PTPRD: variants seen among roughly 807,000 people sequenced by gnomAD.
The protein encoded by PTPRD is protein tyrosine phosphatase receptor type D, also known as receptor-type tyrosine-protein phosphatase delta.
In PTPRD, 34 loss-of-function variants were observed where a neutral mutation model predicts 214.5. The observed-to-expected ratio is 0.16, with a 90% CI of 0.12 to 0.21. The LOEUF (loss-of-function observed/expected upper bound fraction) is 0.21. PTPRD is among the 10% of genes least tolerant of loss of function. PTPRD has a pLI of 1.00. For synonymous variants in PTPRD, 1,128 were observed against 845.7 expected (o/e 1.33, Z -5.79); for missense variants, 2,545 against 2,398.7 (o/e 1.06, Z -1.27).
intron 11 of PTPRD, among the ~76,000 whole-genome samples, chr9:8,798,679 T>C (rs1413958560): frequency 2.6e-5 from 4 of 152,224 alleles, no homozygotes; most frequent in South Asian, 2.1e-4. Context: ...TGGTGGGAGT[T>C]GCAATTCTGC....
chr9:8,640,893 T>C (rs1267527568), intron 12 of PTPRD, among the ~76,000 whole-genome samples: 1 of 133,292 alleles, frequency 7.5e-6, no homozygotes, highest in Non-Finnish European at 1.5e-5. Flanking sequence ...GTGGTGCATA[T>C]ATAATCATTT....
chr9:10,286,739 C>G (rs1220102797), intron 3 of PTPRD, among the ~76,000 whole-genome samples: 1 of 152,034 alleles, frequency 6.6e-6, no homozygotes, highest in African/African-American at 2.4e-5. Context: ...GCTGGTATTA[C>G]AGGCGCCCAA....
At chr9:8,814,098 TAA>T (rs956181420) in intron 11 of PTPRD, among the ~76,000 whole-genome samples, 5 of 152,208 alleles carry the variant, frequency 3.3e-5, no homozygotes, top group African/African-American at 4.8e-5. Flanking sequence ...TGATGCTCAA[TAA>T]AAGTTTATTG....
chr9:8,492,884 T>C lies in PTPRD; in HGVS notation c.2445A>G (p.Lys815=), dbSNP rs752781036. The change falls in exon 27 of 46, where the codon AAA becomes AAG. Residue 815 remains lysine (K), a synonymous_variant. Transcript: ENST00000381196. ...TKGDGARSKP[K]LVSTTGAVPG... ...TACCTGCCCCAGTGGTGGACACCAG[T>C]TTGGGCTTGCTGCGAGCACCATCTC... 1.2e-6 allele frequency: 2 copies of C among 1,613,588 alleles called. No individual in the cohort carries two copies. Among genetic ancestry groups the C allele is most frequent in the African/African-American group, 1.3e-5 (1 of 74,884 alleles).
At chr9:9,390,088 G>C (rs1266366796) in intron 9 of PTPRD, among the ~76,000 whole-genome samples, 1 of 152,178 alleles carries the variant, frequency 6.6e-6, no homozygotes, top group African/African-American at 2.4e-5. Context: ...ATGCTGTTAT[G>C]TGAGAAAGCA....
chr9:9,164,349 C>T (rs892324579), intron 10 of PTPRD, among the ~76,000 whole-genome samples: 1 of 152,130 alleles, frequency 6.6e-6, no homozygotes, highest in Non-Finnish European at 1.5e-5. Context: ...ACATTGCCTT[C>T]CCACATTGAT....
intron 33 of PTPRD, chr9:8,454,636 A>G (rs748672727): frequency 1.2e-6 from 2 of 1,607,212 alleles, no homozygotes; most frequent in Non-Finnish European, 1.7e-6. Context: ...GAAAGGCTAA[A>G]TGTTAGTTGG....
At chr9:9,596,314 T>C (rs1197485352) in intron 7 of PTPRD, among the ~76,000 whole-genome samples, 2 of 151,994 alleles carry the variant, frequency 1.3e-5, no homozygotes, top group African/African-American at 4.8e-5. Context: ...TCTTTATGTG[T>C]ATTAAACATG....
intron 8 of PTPRD, among the ~76,000 whole-genome samples, chr9:9,570,671 G>T (rs1430395262): frequency 6.6e-6 from 1 of 151,370 alleles, no homozygotes; most frequent in South Asian, 2.1e-4. Flanking sequence ...TGTTCTCCCT[G>T]CTTTCATTAT....
chr9:9,133,668 G>T (rs902257320), intron 10 of PTPRD, among the ~76,000 whole-genome samples: 4 of 152,166 alleles, frequency 2.6e-5, no homozygotes, highest in Admixed American at 2.6e-4. Context: ...GAATATGAAA[G>T]AAGCATTGTT....
chr9:8,850,580 T>A (rs943207825), intron 11 of PTPRD, among the ~76,000 whole-genome samples: 1 of 152,114 alleles, frequency 6.6e-6, no homozygotes, highest in Non-Finnish European at 1.5e-5. Context: ...AATGGTTACC[T>A]GGCCAGTAAG....
At position 9,753,891 on chromosome 9, in the gene PTPRD, C is replaced by T. The variant is rs944404596; in HGVS notation, c.-326+12919G>A. 2.0e-5 allele frequency among the ~76,000 whole-genome samples: 3 copies of T among 152,050 alleles called. No individual in the cohort carries two copies. The South Asian group carries it at 6.2e-4, about 31-fold the overall frequency. On this transcript the variant is annotated intron_variant, in intron 6 of 45. Coordinates refer to ENST00000381196, the MANE Select transcript of PTPRD (RefSeq NM_002839.4). ...TCCATGCAAATTCTTCCCTTAAGAA[C>T]CTAGCTCAAATTTCCTATTTTCTAA...
intron 4 of PTPRD, among the ~76,000 whole-genome samples, chr9:9,981,092 A>G (rs1335062387): frequency 6.6e-6 from 1 of 152,064 alleles, no homozygotes; most frequent in Non-Finnish European, 1.5e-5. Flanking sequence ...CACAAAGTCT[A>G]CATCACGTTA....
At chr9:9,301,765 C>G (rs1298648767) in intron 9 of PTPRD, among the ~76,000 whole-genome samples, 1 of 151,766 alleles carries the variant, frequency 6.6e-6, no homozygotes, top group African/African-American at 2.4e-5. Context: ...ATGGTCATTT[C>G]AAAGAAAGGA....
intron 10 of PTPRD, among the ~76,000 whole-genome samples, chr9:9,053,318 A>C (rs373672176): frequency 3.9e-5 from 6 of 152,282 alleles, no homozygotes; most frequent in South Asian, 4.1e-4. Flanking sequence ...AGAAATAATC[A>C]TTAAAAATTT....
intron 3 of PTPRD, among the ~76,000 whole-genome samples, chr9:10,306,283 G>C (rs936163658): frequency 2.0e-5 from 3 of 151,554 alleles, no homozygotes; most frequent in Admixed American, 1.3e-4. Context: ...GGGGTGGGGG[G>C]GGCTAGGGGA....
chr9:8,673,609 A>T (rs1408031069), intron 12 of PTPRD, among the ~76,000 whole-genome samples: 2 of 151,916 alleles, frequency 1.3e-5, no homozygotes, highest in Non-Finnish European at 2.9e-5. Context: ...ATTCTCCTTA[A>T]TGTATCTCAT....
At chr9:9,501,701 A>G (rs925654720) in intron 8 of PTPRD, among the ~76,000 whole-genome samples, 1 of 151,972 alleles carries the variant, frequency 6.6e-6, no homozygotes, top group African/African-American at 2.4e-5. Flanking sequence ...GATTGAATTT[A>G]TAAGGTGTAT....
At chr9:8,372,650 G>C (rs960141423) in intron 39 of PTPRD, among the ~76,000 whole-genome samples, 51 of 152,076 alleles carry the variant, frequency 3.4e-4, no homozygotes, top group African/African-American at 1.1e-3. Flanking sequence ...GTTTGAACTA[G>C]ACCTTCTTTC....
Sources: allele counts gnomAD v4.1 joint callset (sites outside exome capture counted in the v4.1 genomes callset), GRCh38; gene constraint gnomAD v4.1.1; transcripts MANE v1.5; gene names NCBI Gene and HGNC (gene_info 2026-07-23, HGNC 2026-07-21).